The following HTR1F variants were observed in gnomAD, a reference collection of about 807,000 sequenced individuals.
HTR1F encodes the protein 5-hydroxytryptamine (serotonin) receptor 1F, G protein-coupled.
Under a neutral mutation model 24.0 loss-of-function variants are expected in HTR1F, and 17 were observed. The ratio of observed to expected loss-of-function variants is 0.71; its 90% CI spans 0.48 to 1.06. The LOEUF is 1.06. Ranked by LOEUF, HTR1F falls within the 50% of genes least tolerant of loss-of-function variation. The probability of loss-of-function intolerance (pLI) is 0.00; values close to 1 mark genes in which losing one functional copy is unlikely to be tolerated. For synonymous variants in HTR1F, 186 were observed against 156.8 expected (o/e 1.19, Z -1.39); for missense variants, 391 against 427.8 (o/e 0.91, Z 0.76).
intron 2 of HTR1F, among the ~76,000 whole-genome samples, chr3:87,973,692 A>C (rs1576107991): frequency 6.6e-6 from 1 of 152,148 alleles, no homozygotes; most frequent in Non-Finnish European, 1.5e-5. Context: ...AATAAAAATT[A>C]CTTCCCGGAA....
chr3:87,913,218 T>C (rs1703819455), intron 2 of HTR1F, among the ~76,000 whole-genome samples: 1 of 152,016 alleles, frequency 6.6e-6, no homozygotes, highest in African/African-American at 2.4e-5. Flanking sequence ...TAAGCACCTA[T>C]AAGGAACCTA....
intron 2 of HTR1F, among the ~76,000 whole-genome samples, chr3:87,905,832 G>T (rs577163975): frequency 5.5e-4 from 83 of 152,062 alleles, no homozygotes; most frequent in Non-Finnish European, 2.9e-5. Context: ...AATGTTTGAA[G>T]ACTAAAATGT....
At chr3:87,884,560 G>A (rs1705889457) in intron 2 of HTR1F, among the ~76,000 whole-genome samples, 1 of 152,058 alleles carries the variant, frequency 6.6e-6, no homozygotes, top group Admixed American at 6.6e-5. Context: ...CTGGCAAATT[G>A]GATAAAGAGT....
chr3:87,938,279 A>C (rs541387160), intron 2 of HTR1F, among the ~76,000 whole-genome samples: 6 of 152,344 alleles, frequency 3.9e-5, no homozygotes, highest in Non-Finnish European at 8.8e-5. Flanking sequence ...CTGCTCAAAG[A>C]AATCGGAGAT....
At chr3:87,818,519 C>T (rs987548750) in intron 1 of HTR1F, among the ~76,000 whole-genome samples, 8 of 152,086 alleles carry the variant, frequency 5.3e-5, no homozygotes, top group South Asian at 2.1e-4. Context: ...TGGCTCAAAC[C>T]GAAATGTCAT....
chr3:87,912,347 G>A (rs1164628007), intron 2 of HTR1F, among the ~76,000 whole-genome samples: 1 of 151,948 alleles, frequency 6.6e-6, no homozygotes, highest in African/African-American at 2.4e-5. Flanking sequence ...AAAATACCCA[G>A]GAATACAGCT....
In HTR1F at chr3:87,952,822, G is replaced by A. The variant is rs1468898408; in HGVS notation, c.-42-37886G>A. Among the ~76,000 whole-genome samples, 5 of 150,824 alleles carry A rather than the reference G, an allele frequency of 3.3e-5. No individual in the cohort carries two copies. The East Asian group carries it at 9.7e-4, about 29-fold the overall frequency. On this transcript the variant is annotated intron_variant, in intron 2 of 2. Coordinates refer to ENST00000319595, the MANE Select transcript of HTR1F (RefSeq NM_001322209.2). Reference sequence around the variant, plus strand: ...TAAATCCCAATTGCTTTCTCCAGAGGCAGCTACTTCTATGCCTTTTTACTT... The same window carrying A: ...TAAATCCCAATTGCTTTCTCCAGAGACAGCTACTTCTATGCCTTTTTACTT...
intron 2 of HTR1F, among the ~76,000 whole-genome samples, chr3:87,952,835 TG>T (rs910246236): frequency 5.6e-5 from 8 of 144,100 alleles, no homozygotes; most frequent in Admixed American, 6.9e-5. Flanking sequence ...GCTACTTCTA[TG>T]CCTTTTTACT....
At chr3:87,823,516 ATTT>A (rs199538588) in intron 2 of HTR1F, among the ~76,000 whole-genome samples, 7 of 139,326 alleles carry the variant, frequency 5.0e-5, no homozygotes, top group Non-Finnish European at 6.2e-5. Flanking sequence ...CTGGTCCCAT[ATTT>A]TTTTTTTTTT....
At chr3:87,799,762 A>G (rs1461583213) in intron 1 of HTR1F, among the ~76,000 whole-genome samples, 2 of 152,150 alleles carry the variant, frequency 1.3e-5, no homozygotes, top group Non-Finnish European at 1.5e-5. Flanking sequence ...CATTGGGGTA[A>G]ATTCCCCTCT....
intron 2 of HTR1F, among the ~76,000 whole-genome samples, chr3:87,901,648 C>A (rs1257651640): frequency 6.6e-6 from 1 of 151,706 alleles, no homozygotes; most frequent in Admixed American, 6.6e-5. Context: ...ACTGCTTAAG[C>A]GATTATGTGT....
intron 2 of HTR1F, among the ~76,000 whole-genome samples, chr3:87,955,902 C>T (rs1704933333): frequency 6.6e-6 from 1 of 151,170 alleles, no homozygotes; most frequent in East Asian, 1.9e-4. Flanking sequence ...AGTTATTAGT[C>T]TTATTGTTAA....
chr3:87,931,026 C>CTTTT (rs34617109), intron 2 of HTR1F, among the ~76,000 whole-genome samples: 1 of 131,838 alleles, frequency 7.6e-6, no homozygotes, highest in Non-Finnish European at 1.6e-5. Flanking sequence ...ATAGTCTTTC[C>CTTTT]TTTTTTTTTT....
At chr3:87,900,805 AGAAGCAGGTTTG>A (rs1706303962) in intron 2 of HTR1F, among the ~76,000 whole-genome samples, 1 of 152,200 alleles carries the variant, frequency 6.6e-6, no homozygotes, top group African/African-American at 2.4e-5. Flanking sequence ...AGACAGCAAG[AGAAGCAGGTTTG>A]GAAGAAGGAG....
intron 2 of HTR1F, among the ~76,000 whole-genome samples, chr3:87,862,573 A>G (rs749095653): frequency 1.3e-5 from 2 of 152,158 alleles, no homozygotes; most frequent in South Asian, 2.1e-4. Flanking sequence ...AGACCAATGC[A>G]TGGATCTCCA....
chr3:87,844,962 A>G (rs1704906306), intron 2 of HTR1F, among the ~76,000 whole-genome samples: 1 of 151,862 alleles, frequency 6.6e-6, no homozygotes, highest in African/African-American at 2.4e-5. Context: ...GAAGTCAGGT[A>G]GTGTGATGCC....
chr3:87,919,334 A>G (rs1252817406), intron 2 of HTR1F, among the ~76,000 whole-genome samples: 3 of 151,820 alleles, frequency 2.0e-5, no homozygotes, highest in Non-Finnish European at 4.4e-5. Flanking sequence ...ATGACCAAGA[A>G]CCCAAAAGCA....
At chr3:87,875,444 C>T (rs2107266901) in intron 2 of HTR1F, among the ~76,000 whole-genome samples, 1 of 149,682 alleles carries the variant, frequency 6.7e-6, no homozygotes, top group Admixed American at 6.6e-5. Flanking sequence ...AACAAGACTC[C>T]ATCTCAAAAA....
chr3:87,949,883 G>A (rs1270661561), intron 2 of HTR1F, among the ~76,000 whole-genome samples: 1 of 152,190 alleles, frequency 6.6e-6, no homozygotes, highest in African/African-American at 2.4e-5. Context: ...CTAGAAAGGA[G>A]TATCTAAGGC....
Sources: gnomAD v4.1 joint callset for allele counts (sites outside exome capture counted in the v4.1 genomes callset) on GRCh38, gnomAD v4.1.1 for gene constraint, MANE v1.5 for transcripts, NCBI Gene and HGNC (gene_info 2026-07-23, HGNC 2026-07-21) for gene names.